Variants in ZNG1B observed in about 807,000 individuals in gnomAD.
The protein encoded by ZNG1B is Zn regulated GTPase metalloprotein activator 1B.
chr2:113,493,736 G>T, the ZNG1B span: 5 of 1,395,900 alleles, frequency 3.6e-6, no homozygotes, highest in Non-Finnish European at 2.9e-6. Context: ...AAGAATTATT[G>T]TTATTTCCCT....
the ZNG1B span, chr2:113,444,824 G>C: frequency 8.6e-7 from 1 of 1,156,198 alleles, no homozygotes; most frequent in Non-Finnish European, 1.2e-6. Context: ...CATTTTGTTA[G>C]AAGGTTAGAA....
At chr2:113,451,069 G>A in the ZNG1B span, among the ~76,000 whole-genome samples, 2 of 152,206 alleles carry the variant, frequency 1.3e-5, no homozygotes, top group East Asian at 3.9e-4. Context: ...AATGTGACCT[G>A]ACCTTCTCCT....
chr2:113,483,772 G>T, the ZNG1B span, among the ~76,000 whole-genome samples: 1 of 151,984 alleles, frequency 6.6e-6, no homozygotes, highest in South Asian at 2.1e-4. Context: ...AATTTCAAAC[G>T]TGCGTAAGAG....
chr2:113,476,423 C>A, the ZNG1B span, among the ~76,000 whole-genome samples: 1 of 150,010 alleles, frequency 6.7e-6, no homozygotes, highest in Non-Finnish European at 1.5e-5. Flanking sequence ...AACTTCTTTG[C>A]CTTTGGTTTG....
chr2:113,451,797 T>G, the ZNG1B span, among the ~76,000 whole-genome samples: 1 of 151,320 alleles, frequency 6.6e-6, no homozygotes, highest in Non-Finnish European at 1.5e-5. Flanking sequence ...ACATTTCAAC[T>G]TAAGAGGCAA....
At chr2:113,492,126 T>G in the ZNG1B span, among the ~76,000 whole-genome samples, 1 of 139,420 alleles carries the variant, frequency 7.2e-6, no homozygotes. Context: ...GGTCCAGCAA[T>G]CCCACTACTA....
the ZNG1B span, among the ~76,000 whole-genome samples, chr2:113,438,488 A>G: frequency 1.6e-3 from 241 of 152,290 alleles, 1 homozygote; most frequent in South Asian, 8.5e-3. Context: ...CCACGAGCCA[A>G]AGTCCTCCAG....
At chr2:113,481,444 T>G in the ZNG1B span, 1 of 152,152 alleles carries the variant, frequency 6.6e-6, no homozygotes, top group Non-Finnish European at 1.5e-5. Context: ...TTCTTTCTCT[T>G]TCCTAAACTT....
chr2:113,470,880 T>C, the ZNG1B span: 1 of 663,670 alleles, frequency 1.5e-6, no homozygotes, highest in East Asian at 2.8e-5. Flanking sequence ...TAATTTTCAA[T>C]CTTGATTCAA....
the ZNG1B span, among the ~76,000 whole-genome samples, chr2:113,467,662 GA>G: frequency 7.6e-6 from 1 of 130,886 alleles, no homozygotes. Context: ...ATAATAATAG[GA>G]AAATAGAGGG....
At chr2:113,449,927 C>T in the ZNG1B span, among the ~76,000 whole-genome samples, 1 of 148,764 alleles carries the variant, frequency 6.7e-6, no homozygotes, top group African/African-American at 2.4e-5. Context: ...GAATGTCTGT[C>T]TATTGCTTTC....
chr2:113,485,413 G>A, the ZNG1B span, among the ~76,000 whole-genome samples: 8 of 142,030 alleles, frequency 5.6e-5, no homozygotes, highest in Non-Finnish European at 1.1e-4. Flanking sequence ...GAGACCATGC[G>A]GGAAGATACT....
the ZNG1B span, among the ~76,000 whole-genome samples, chr2:113,452,274 G>A: frequency 6.6e-6 from 1 of 152,034 alleles, no homozygotes; most frequent in Non-Finnish European, 1.5e-5. Flanking sequence ...CAGCTGACAG[G>A]TATTTCATTG....
At chr2:113,455,748 TCTCA>T in the ZNG1B span, 9 of 385,046 alleles carry the variant, frequency 2.3e-5, no homozygotes, top group Non-Finnish European at 3.2e-5. Context: ...TGAGACAGAG[TCTCA>T]CTCTGTTGCC....
chr2:113,438,922 T>G, the ZNG1B span: 1 of 1,531,620 alleles, frequency 6.5e-7, no homozygotes, highest in South Asian at 1.2e-5. Flanking sequence ...AAATAACTGC[T>G]TTTGTTTTTT....
At chr2:113,490,056 T>A in the ZNG1B span, among the ~76,000 whole-genome samples, 20 of 148,868 alleles carry the variant, frequency 1.3e-4, no homozygotes, top group African/African-American at 4.5e-4. Flanking sequence ...AACCACAGAA[T>A]ATACGTTCTG....
At chr2:113,481,870 G>A in the ZNG1B span, 1 of 280,704 alleles carries the variant, frequency 3.6e-6, no homozygotes, top group Admixed American at 4.8e-5. Flanking sequence ...AAACCTGTTG[G>A]AATGGTAAAG....
At chr2:113,476,259 C>T in the ZNG1B span, among the ~76,000 whole-genome samples, 2 of 152,202 alleles carry the variant, frequency 1.3e-5, no homozygotes, top group East Asian at 3.9e-4. Flanking sequence ...ATCGCTGATA[C>T]CCTTTCTTCC....
At chr2:113,476,447 A>G in the ZNG1B span, among the ~76,000 whole-genome samples, 7 of 149,970 alleles carry the variant, frequency 4.7e-5, no homozygotes, top group Non-Finnish European at 1.5e-5. Flanking sequence ...GTCCTCCCAT[A>G]GCTCGGAGTA....
Sources: allele counts gnomAD v4.1 joint callset (sites outside exome capture counted in the v4.1 genomes callset), GRCh38; gene constraint gnomAD v4.1.1; transcripts MANE v1.5; gene names NCBI Gene and HGNC (gene_info 2026-07-23, HGNC 2026-07-21).